Variants in METTL15 observed in about 807,000 individuals in gnomAD.
METTL15 encodes the protein 12S rRNA N(4)-cytidine methyltransferase METTL15.
METTL15 carries 34 observed loss-of-function variants against 38.3 expected under a neutral mutation model. The observed-to-expected ratio is 0.89, with a 90% confidence interval of 0.68 to 1.18. METTL15 has a LOEUF of 1.18. Among genes scored for constraint, METTL15 ranks in the 50% most tolerant of loss-of-function variants. The probability of loss-of-function intolerance (pLI) is 0.00; values close to 1 mark genes in which losing one functional copy is unlikely to be tolerated. For synonymous variants in METTL15, 162 were observed against 170.9 expected, an observed-to-expected ratio of 0.95 and a Z score of 0.41; for missense variants, 438 against 498.4, an observed-to-expected ratio of 0.88 and a Z score of 1.15.
intron 5 of METTL15, among the ~76,000 whole-genome samples, chr11:28,365,232 G>T (rs1167540319): frequency 2.6e-5 from 4 of 152,066 alleles, no homozygotes; most frequent in Non-Finnish European, 5.9e-5. Flanking sequence ...TTGATTTTTT[G>T]GAATAGTTTC....
intron 5 of METTL15, among the ~76,000 whole-genome samples, chr11:28,367,263 A>C (rs1850195509): frequency 6.6e-6 from 1 of 152,054 alleles, no homozygotes; most frequent in African/African-American, 2.4e-5. Flanking sequence ...TGCAGTACAC[A>C]GACAGATACT....
chr11:28,476,755 A>C lies in METTL15; in HGVS notation c.*425-49723A>C, dbSNP rs1851350144. Among the ~76,000 whole-genome samples the C allele has an allele frequency of 2.0e-5, 3 of 152,152 alleles. No individual in the cohort carries two copies. In the South Asian group the frequency reaches 6.2e-4, roughly 32 times the overall value. Reference sequence around the variant, plus strand: ...GAGGATCTGACTTCAGGCACACCTTAAGCTAACCAGTGATCTATGGTGTAG... The same window carrying C: ...GAGGATCTGACTTCAGGCACACCTTCAGCTAACCAGTGATCTATGGTGTAG... On this transcript the variant is annotated intron_variant and NMD_transcript_variant, in intron 6 of 7. Coordinates refer to the METTL15 transcript ENST00000532947.
intron 5 of METTL15, among the ~76,000 whole-genome samples, chr11:28,409,330 C>T (rs922373015): frequency 1.5e-5 from 2 of 133,450 alleles, no homozygotes; most frequent in South Asian, 2.3e-4. Context: ...TGCAGTGAGC[C>T]GAGATGATGC....
At chr11:28,515,355 A>C (rs530232522) in intron 6 of METTL15, among the ~76,000 whole-genome samples, 1 of 152,202 alleles carries the variant, frequency 6.6e-6, no homozygotes, top group Non-Finnish European at 1.5e-5. Context: ...CCAAAATTTC[A>C]ATGGCCTAAT....
rs546590871 is a variant in METTL15, at chr11:28,201,099, T to C, written c.271-9963T>C. ...AGATATATTCCATCAATACAGTTTA[T>C]TGAGAGTTTTTAACATGAAGCGATG... is the stretch of plus-strand genomic sequence containing the variant. On this transcript the variant is annotated intron_variant, in intron 3 of 6. Coordinates refer to ENST00000407364, the MANE Select transcript of METTL15 (RefSeq NM_001113528.2). 2.0e-5 allele frequency among the ~76,000 whole-genome samples: 3 copies of C among 152,272 alleles called. No homozygotes were observed. The South Asian group carries it at 6.2e-4, about 32-fold the overall frequency.
At chr11:28,385,743 T>C (rs915401524) in intron 5 of METTL15, among the ~76,000 whole-genome samples, 31 of 152,132 alleles carry the variant, frequency 2.0e-4, no homozygotes, top group African/African-American at 9.6e-5. Context: ...GTATGGCCAT[T>C]TTAACAATAT....
At chr11:28,124,097 T>C (rs1181948432) in intron 3 of METTL15, among the ~76,000 whole-genome samples, 1 of 152,170 alleles carries the variant, frequency 6.6e-6, no homozygotes, top group Non-Finnish European at 1.5e-5. Context: ...AGGAAATGTC[T>C]CTAATGCATA....
At chr11:28,151,155 T>C (rs1218298167) in intron 3 of METTL15, among the ~76,000 whole-genome samples, 2 of 151,926 alleles carry the variant, frequency 1.3e-5, no homozygotes, top group African/African-American at 4.8e-5. Context: ...GGACCTGAAT[T>C]AAAAACAAAG....
chr11:28,475,737 G>A (rs1290406468), intron 6 of METTL15, among the ~76,000 whole-genome samples: 1 of 152,162 alleles, frequency 6.6e-6, no homozygotes, highest in Admixed American at 6.5e-5. Flanking sequence ...AATCTGAGCG[G>A]TCCAAAGGGA....
chr11:28,147,582 A>G (rs1190977866), intron 3 of METTL15, among the ~76,000 whole-genome samples: 1 of 151,848 alleles, frequency 6.6e-6, no homozygotes, highest in Non-Finnish European at 1.5e-5. Flanking sequence ...CTTTGATGGG[A>G]TACAGTATAT....
chr11:28,208,458 C>T (rs1407191457), intron 3 of METTL15, among the ~76,000 whole-genome samples: 2 of 152,108 alleles, frequency 1.3e-5, no homozygotes, highest in Non-Finnish European at 2.9e-5. Flanking sequence ...AGTTTGATTG[C>T]ACTGTGGTCC....
intron 6 of METTL15, among the ~76,000 whole-genome samples, chr11:28,495,067 A>G (rs1364148658): frequency 2.0e-5 from 3 of 152,242 alleles, no homozygotes; most frequent in Non-Finnish European, 2.9e-5. Flanking sequence ...TCATTTATTC[A>G]TCAAATATCT....
intron 5 of METTL15, among the ~76,000 whole-genome samples, chr11:28,369,684 CA>C (rs1344428041): frequency 6.6e-6 from 1 of 152,038 alleles, no homozygotes; most frequent in Non-Finnish European, 1.5e-5. Context: ...CTATAACTGG[CA>C]AAAGTGTCTT....
intron 6 of METTL15, among the ~76,000 whole-genome samples, chr11:28,512,726 C>A (rs753289968): frequency 6.6e-6 from 1 of 152,240 alleles, no homozygotes; most frequent in African/African-American, 2.4e-5. Flanking sequence ...TCCACACCCC[C>A]CTGCAAGCTG....
intron 6 of METTL15, among the ~76,000 whole-genome samples, chr11:28,428,661 G>A (rs11030331): frequency 0.4 from 61,518 of 151,970 alleles, 14,270 homozygotes; most frequent in Admixed American, 0.52. Flanking sequence ...CATGGACTCT[G>A]GGAGGCACTT....
At chr11:28,142,338 C>T (rs981457601) in intron 3 of METTL15, among the ~76,000 whole-genome samples, 4 of 152,076 alleles carry the variant, frequency 2.6e-5, no homozygotes, top group African/African-American at 9.7e-5. Context: ...AACAGGGAAA[C>T]AGCACAATAA....
chr11:28,461,787 A>T (rs1851217770), intron 6 of METTL15, among the ~76,000 whole-genome samples: 1 of 152,128 alleles, frequency 6.6e-6, no homozygotes, highest in Admixed American at 6.5e-5. Flanking sequence ...TGACATGTAT[A>T]TATTATGTAG....
chr11:28,442,953 T>G (rs1851047497), intron 6 of METTL15, among the ~76,000 whole-genome samples: 1 of 152,220 alleles, frequency 6.6e-6, no homozygotes, highest in Admixed American at 6.5e-5. Context: ...TTTATTTTTA[T>G]TTTTATTGAA....
chr11:28,139,627 G>A (rs996397680), intron 3 of METTL15, among the ~76,000 whole-genome samples: 3 of 152,116 alleles, frequency 2.0e-5, no homozygotes, highest in Non-Finnish European at 2.9e-5. Flanking sequence ...GAAATGGGAG[G>A]GGTCCTAACT....
Sources: allele counts gnomAD v4.1 joint callset (sites outside exome capture counted in the v4.1 genomes callset), GRCh38; gene constraint gnomAD v4.1.1; transcripts MANE v1.5; gene names NCBI Gene and HGNC (gene_info 2026-07-23, HGNC 2026-07-21).